The following PSMB2 variants were observed in gnomAD, a reference collection of about 807,000 sequenced individuals.
PSMB2 encodes proteasome subunit beta type-2.
In PSMB2, 13 loss-of-function variants were observed where a neutral mutation model predicts 25.7. That is an observed-to-expected ratio of 0.51 (90% confidence interval 0.33 to 0.80). PSMB2 has a LOEUF of 0.80. Ranked by LOEUF, PSMB2 falls within the 30% of genes least tolerant of loss-of-function variation. PSMB2 has a pLI of 0.02. For synonymous variants in PSMB2, 87 were observed against 96.2 expected, an observed-to-expected ratio of 0.90 and a Z score of 0.56; for missense variants, 202 against 259.0, an observed-to-expected ratio of 0.78 and a Z score of 1.51.
chr1:35,636,177 C>A lies in PSMB2; in HGVS notation c.214+133G>T, dbSNP rs550013780. On this transcript the variant is annotated intron_variant, in intron 2 of 5. Coordinates refer to ENST00000373237, the MANE Select transcript of PSMB2 (RefSeq NM_002794.5). Reference sequence around the variant, plus strand: ...CCTCAGAAATCAACGCTGCCAACACCTTAATCTTTGACTTCTAACATCTAG... The same window carrying A: ...CCTCAGAAATCAACGCTGCCAACACATTAATCTTTGACTTCTAACATCTAG... The A allele has an allele frequency of 9.4e-6, 11 of 1,166,870 alleles. No individual in the cohort carries two copies. In the South Asian group the frequency reaches 1.6e-4, roughly 17 times the overall value. The allele number at this position is 1,166,870 out of a possible 1,614,324, so 72.3% of individuals were successfully genotyped here.
In PSMB2 at chr1:35,635,536, T is replaced by C. The variant is rs540976822; in HGVS notation, c.214+774A>G. On this transcript the variant is annotated intron_variant, in intron 2 of 5. Transcript: ENST00000373237. ...ACAACTTCTTAAACACAGAAAACTC[T>C]AATGAAAATATGGGCTGGGCGTGGT... Among the ~76,000 whole-genome samples, 4 of 151,468 alleles carry C rather than the reference T, an allele frequency of 2.6e-5. No homozygotes were observed. The East Asian group carries it at 7.9e-4, about 30-fold the overall frequency.
At chr1:35,623,161 T>C (rs925669675) in intron 3 of PSMB2, among the ~76,000 whole-genome samples, 4 of 152,216 alleles carry the variant, frequency 2.6e-5, no homozygotes, top group African/African-American at 9.6e-5. Context: ...GGGGCCAACA[T>C]GAGCCACCCC....
chr1:35,636,171 C>A, intron 2 of PSMB2, 139 bp downstream of exon 2: 1 of 1,070,800 alleles, frequency 9.3e-7, no homozygotes, highest in Non-Finnish European at 1.3e-6. Context: ...TCAACGCTGC[C>A]AACACCTTAA....
chr1:35,603,053 A>G lies in PSMB2; in HGVS notation c.*214T>C, dbSNP rs1650051577. 1 of 1,321,366 alleles carries G rather than the reference A, an allele frequency of 7.6e-7. No homozygotes were observed. The highest frequency in any genetic ancestry group is 1.7e-5 in the South Asian group (1 of 58,288). 81.9% of individuals were successfully genotyped at this position (1,321,366 alleles called of 1,614,324 possible). A position where few individuals can be genotyped will look rare whatever the true frequency, so the allele number is the denominator to read the frequency against. On this transcript the variant is annotated 3_prime_UTR_variant, in exon 6 of 6. Coordinates refer to ENST00000373237, the MANE Select transcript of PSMB2 (RefSeq NM_002794.5). ...GTTAATGGAGGGCGGAGCAGGAAGAAAAGTCAGACCTGGCAAAAAGATCAT... is the reference window on the plus strand; with the variant it reads ...GTTAATGGAGGGCGGAGCAGGAAGAGAAGTCAGACCTGGCAAAAAGATCAT...
In PSMB2 at chr1:35,640,298, C is replaced by T. The variant is rs76308867; in HGVS notation, c.91+1044G>A. On this transcript the variant is annotated intron_variant, in intron 1 of 5. Transcript: ENST00000373237. Reference sequence around the variant, plus strand: ...ACACTTAGTATTATTAAGTACCTGCCTAGTGCTAAGGATTTGCACATAACT... The same window carrying T: ...ACACTTAGTATTATTAAGTACCTGCTTAGTGCTAAGGATTTGCACATAACT... Among the ~76,000 whole-genome samples the T allele has an allele frequency of 2.3e-4, 35 of 152,202 alleles. No homozygotes were observed. In the East Asian group the frequency reaches 6.4e-3, roughly 28 times the overall value.
At position 35,600,869 on chromosome 1, in the gene PSMB2, C is replaced by T; in HGVS notation, c.*2398G>A. On this transcript the variant is annotated 3_prime_UTR_variant, in exon 6 of 6. Coordinates refer to ENST00000373237, the MANE Select transcript of PSMB2 (RefSeq NM_002794.5). ...AAGTTTACCAATCATTATACACTTA[C>T]TGAGCACTTACCACATGCCAAGCCC... is the stretch of plus-strand genomic sequence containing the variant. The T allele has an allele frequency of 2.0e-6, 2 of 985,340 alleles. No individual in the cohort carries two copies. The highest frequency in any genetic ancestry group is 2.4e-6 in the Non-Finnish European group (2 of 829,870). The allele number at this position is 985,340 out of a possible 1,614,324, so 61.0% of individuals were successfully genotyped here. A position where few individuals can be genotyped will look rare whatever the true frequency, so the allele number is the denominator to read the frequency against.
intron 1 of PSMB2, among the ~76,000 whole-genome samples, chr1:35,636,852 G>A (rs1433927606): frequency 6.6e-6 from 1 of 152,168 alleles, no homozygotes; most frequent in African/African-American, 2.4e-5. Context: ...AATCCCTACA[G>A]ATACCAAGGG....
chr1:35,621,755 T>C (rs547911613), intron 3 of PSMB2, among the ~76,000 whole-genome samples: 70 of 152,308 alleles, frequency 4.6e-4, no homozygotes, highest in Admixed American at 2.3e-3. Flanking sequence ...ATGCCTGTAA[T>C]CCCAGCACTT....
intron 3 of PSMB2, among the ~76,000 whole-genome samples, chr1:35,614,099 TC>T (rs896106953): frequency 6.6e-6 from 1 of 152,164 alleles, no homozygotes; most frequent in Admixed American, 6.5e-5. Flanking sequence ...CCTCTCTCAT[TC>T]CTGGGACTCT....
chr1:35,628,969 A>G (rs960666718), intron 3 of PSMB2, among the ~76,000 whole-genome samples: 2 of 152,192 alleles, frequency 1.3e-5, no homozygotes, highest in African/African-American at 4.8e-5. Context: ...TAGAAACACT[A>G]CTGAAGAACC....
At chr1:35,620,980 G>C (rs973601157) in intron 3 of PSMB2, among the ~76,000 whole-genome samples, 1 of 151,458 alleles carries the variant, frequency 6.6e-6, no homozygotes, top group South Asian at 2.1e-4. Context: ...TTAGATTATC[G>C]ATTTTATGTA....
At chr1:35,631,777 T>C (rs969504975) in intron 2 of PSMB2, among the ~76,000 whole-genome samples, 1 of 152,136 alleles carries the variant, frequency 6.6e-6, no homozygotes, top group African/African-American at 2.4e-5. Context: ...TCCTAGAGCT[T>C]TGGGAAGCCA....
rs1314558173 is a variant in PSMB2, at chr1:35,628,889, A to T, written c.285+2385T>A. ...TGTAGTAAGTAACTTTAAAAAAAGT[A>T]ACTTGTTATTTTAAGCAAGTACAGA... is the stretch of plus-strand genomic sequence containing the variant. On this transcript the variant is annotated intron_variant, in intron 3 of 5. Coordinates refer to ENST00000373237, the MANE Select transcript of PSMB2 (RefSeq NM_002794.5). Among the ~76,000 whole-genome samples, 3 of 152,036 alleles carry T rather than the reference A, an allele frequency of 2.0e-5. No homozygotes were observed. In the East Asian group the frequency reaches 5.8e-4, roughly 29 times the overall value.
chr1:35,604,389 G>A (rs1650098842), intron 5 of PSMB2, among the ~76,000 whole-genome samples: 1 of 152,152 alleles, frequency 6.6e-6, no homozygotes, highest in Non-Finnish European at 1.5e-5. Context: ...TGAATTCTTA[G>A]GGGAGGCTTT....
chr1:35,600,806 CG>C lies in PSMB2; in HGVS notation c.*2460del, dbSNP rs1649970251. 1 of 985,390 alleles carries C rather than the reference CG, an allele frequency of 1.0e-6. No individual in the cohort carries two copies. The allele number at this position is 985,390 out of a possible 1,614,324, so 61.0% of individuals were successfully genotyped here. The stretch of plus-strand genomic sequence containing the variant: ...ACACTTACATTCAAAGGCAGAGAAC[CG>C]TATGTCATCCCTGGTGAGGCCTGAA... On this transcript the variant is annotated 3_prime_UTR_variant, in exon 6 of 6. Coordinates refer to ENST00000373237, the MANE Select transcript of PSMB2 (RefSeq NM_002794.5).
chr1:35,626,380 C>T (rs1472683795), intron 3 of PSMB2, among the ~76,000 whole-genome samples: 5 of 152,156 alleles, frequency 3.3e-5, no homozygotes, highest in Non-Finnish European at 7.3e-5. Flanking sequence ...TAAGAATTCC[C>T]TTCCAGTGTA....
chr1:35,606,542 C>T (rs1054246999), intron 4 of PSMB2, among the ~76,000 whole-genome samples: 1 of 151,996 alleles, frequency 6.6e-6, no homozygotes, highest in Admixed American at 6.6e-5. Flanking sequence ...ATGAAATAAG[C>T]TGAAGAGGAT....
At chr1:35,637,894 G>A in intron 1 of PSMB2, among the ~76,000 whole-genome samples, 1 of 152,008 alleles carries the variant, frequency 6.6e-6, no homozygotes, top group East Asian at 1.9e-4. Context: ...GGAGCAGAAG[G>A]GTATATTCTA....
Position 35,628,879 on chromosome 1 carries a change from T to TA in PSMB2, c.285+2394dup, listed in dbSNP as rs910440810. 7.2e-5 allele frequency among the ~76,000 whole-genome samples: 11 copies of TA among 151,830 alleles called. No individual in the cohort carries two copies. The Middle Eastern group carries it at 0.01, about 142-fold the overall frequency. ...TTTATAGATCTGTAGTAAGTAACTT[T>TA]AAAAAAAGTAACTTGTTATTTTAAG... is the stretch of plus-strand genomic sequence containing the variant. On this transcript the variant is annotated intron_variant, in intron 3 of 5. Transcript: ENST00000373237.
Sources: gnomAD v4.1 joint callset for allele counts (sites outside exome capture counted in the v4.1 genomes callset) on GRCh38, gnomAD v4.1.1 for gene constraint, MANE v1.5 for transcripts, NCBI Gene and HGNC (gene_info 2026-07-23, HGNC 2026-07-21) for gene names.